Variants in CNTN5 observed in about 807,000 individuals in gnomAD.
CNTN5 encodes the protein contactin 5.
A neutral mutation model predicts 129.1 loss-of-function variants in CNTN5; 77 were observed. The observed-to-expected ratio is 0.60, with a 90% CI of 0.50 to 0.72. The LOEUF (loss-of-function observed/expected upper bound fraction) is 0.72, where lower values mean the gene tolerates loss of function less well. CNTN5 is among the 30% of genes least tolerant of loss of function. CNTN5 has a pLI of 0.00. For missense variants in CNTN5, 1,478 were observed against 1,328.8 expected (o/e 1.11, Z -1.75); for synonymous variants, 509 against 465.6 (o/e 1.09, Z -1.20).
At chr11:100,017,218 C>G (rs1208741994) in intron 9 of CNTN5, among the ~76,000 whole-genome samples, 2 of 151,830 alleles carry the variant, frequency 1.3e-5, no homozygotes, top group Admixed American at 1.3e-4. Flanking sequence ...CACAACATTT[C>G]CAAAAGAAGA....
intron 13 of CNTN5, among the ~76,000 whole-genome samples, chr11:100,189,371 T>C (rs1469324840): frequency 2.0e-5 from 3 of 151,956 alleles, no homozygotes; most frequent in African/African-American, 4.8e-5. Context: ...TAGTTTATGT[T>C]AAATGTTGCC....
chr11:100,320,832 G>C (rs1951676664), intron 21 of CNTN5, among the ~76,000 whole-genome samples: 1 of 152,018 alleles, frequency 6.6e-6, no homozygotes, highest in Admixed American at 6.6e-5. Flanking sequence ...CCCATTGTGT[G>C]TTCTTGGCAC....
intron 1 of CNTN5, among the ~76,000 whole-genome samples, chr11:99,240,913 A>G (rs1861516055): frequency 6.6e-6 from 1 of 152,170 alleles, no homozygotes; most frequent in Non-Finnish European, 1.5e-5. Context: ...ATGCGTCACT[A>G]CTGAAAAACA....
intron 13 of CNTN5, among the ~76,000 whole-genome samples, chr11:100,135,412 T>C (rs1250016946): frequency 2.0e-5 from 3 of 152,016 alleles, no homozygotes; most frequent in Non-Finnish European, 4.4e-5. Context: ...CCTGACCTTA[T>C]GATCCTCCTG....
At chr11:100,108,515 A>T (rs1945533811) in intron 13 of CNTN5, among the ~76,000 whole-genome samples, 1 of 152,138 alleles carries the variant, frequency 6.6e-6, no homozygotes, top group African/African-American at 2.4e-5. Flanking sequence ...AATCTATATA[A>T]TATTTCAGCT....
At chr11:99,954,050 C>A (rs1390988750) in intron 7 of CNTN5, among the ~76,000 whole-genome samples, 1 of 152,054 alleles carries the variant, frequency 6.6e-6, no homozygotes, top group African/African-American at 2.4e-5. Context: ...GTTCAGCTTT[C>A]TGCATTTGGC....
chr11:99,061,697 C>T (rs533251038), intron 1 of CNTN5, among the ~76,000 whole-genome samples: 5 of 152,146 alleles, frequency 3.3e-5, no homozygotes, highest in Admixed American at 1.3e-4. Context: ...GAGACAATCT[C>T]TGTGAACTTG....
At chr11:99,662,464 T>C (rs1454545802) in intron 3 of CNTN5, among the ~76,000 whole-genome samples, 1 of 152,162 alleles carries the variant, frequency 6.6e-6, no homozygotes, top group East Asian at 1.9e-4. Context: ...TATACAGAAA[T>C]ACATTTAAAA....
At chr11:100,249,479 A>G (rs1483800362) in intron 16 of CNTN5, among the ~76,000 whole-genome samples, 14 of 152,218 alleles carry the variant, frequency 9.2e-5, no homozygotes, top group Admixed American at 9.2e-4. Context: ...TTCCAAATAC[A>G]GTATTTAATT....
chr11:99,037,015 T>C (rs1863770677), intron 1 of CNTN5, among the ~76,000 whole-genome samples: 1 of 149,364 alleles, frequency 6.7e-6, no homozygotes, highest in East Asian at 1.9e-4. Flanking sequence ...TGTGAAAACA[T>C]AGAGATGTTT....
intron 1 of CNTN5, among the ~76,000 whole-genome samples, chr11:99,152,637 T>C (rs543356522): frequency 2.0e-5 from 3 of 152,354 alleles, no homozygotes; most frequent in Admixed American, 6.5e-5. Flanking sequence ...GCTTAGCCCG[T>C]TTACCTTCAA....
At chr11:99,782,950 A>G (rs926156179) in intron 3 of CNTN5, among the ~76,000 whole-genome samples, 16 of 151,806 alleles carry the variant, frequency 1.1e-4, no homozygotes, top group Non-Finnish European at 2.4e-4. Flanking sequence ...ACCAAAAGCA[A>G]TGGCAACAAA....
chr11:99,896,760 G>T (rs1429681712), intron 6 of CNTN5, among the ~76,000 whole-genome samples: 3 of 152,156 alleles, frequency 2.0e-5, no homozygotes, highest in Non-Finnish European at 1.5e-5. Context: ...GTGTGGGAGG[G>T]AGGTTCAAGC....
intron 3 of CNTN5, among the ~76,000 whole-genome samples, chr11:99,681,642 A>C (rs1591471940): frequency 6.6e-6 from 1 of 152,156 alleles, no homozygotes; most frequent in South Asian, 2.1e-4. Flanking sequence ...GATGCCAAAA[A>C]ATTTTTGTGG....
At chr11:99,491,761 T>G (rs1260433984) in intron 2 of CNTN5, among the ~76,000 whole-genome samples, 1 of 152,174 alleles carries the variant, frequency 6.6e-6, no homozygotes, top group Non-Finnish European at 1.5e-5. Flanking sequence ...ACATTTTGCT[T>G]TCATGTGCCT....
chr11:100,287,134 G>C (rs1215285386), intron 18 of CNTN5, among the ~76,000 whole-genome samples: 1 of 152,160 alleles, frequency 6.6e-6, no homozygotes, highest in African/African-American at 2.4e-5. Context: ...CGTCTGATTG[G>C]TGTACCTGAA....
intron 21 of CNTN5, chr11:100,309,424 T>A (rs1046140722): frequency 4.1e-6 from 4 of 968,132 alleles, no homozygotes; most frequent in African/African-American, 1.8e-5. Flanking sequence ...GATAAAAAAA[T>A]TTATACAATC....
intron 2 of CNTN5, among the ~76,000 whole-genome samples, chr11:99,417,150 C>T (rs1942694035): frequency 6.6e-6 from 1 of 152,090 alleles, no homozygotes; most frequent in African/African-American, 2.4e-5. Flanking sequence ...AAAAACCCAA[C>T]TTGGTCTAAC....
intron 6 of CNTN5, among the ~76,000 whole-genome samples, chr11:99,893,688 C>G (rs1393293968): frequency 6.6e-6 from 1 of 152,082 alleles, no homozygotes; most frequent in African/African-American, 2.4e-5. Context: ...TTGATTGTCT[C>G]CAATTCAATG....
Sources: allele counts gnomAD v4.1 joint callset (sites outside exome capture counted in the v4.1 genomes callset), GRCh38; gene constraint gnomAD v4.1.1; transcripts MANE v1.5; gene names NCBI Gene and HGNC (gene_info 2026-07-23, HGNC 2026-07-21).